LRP1B: variants seen among roughly 807,000 people sequenced by gnomAD.
LRP1B encodes the protein LDL receptor related protein 1B, also known as low-density lipoprotein receptor-related protein 1B.
In LRP1B, 217 loss-of-function variants were observed where a neutral mutation model predicts 556.6. That is an observed-to-expected ratio of 0.39 (90% CI 0.35 to 0.44). The LOEUF is 0.44. Ranked by LOEUF, LRP1B falls within the 20% of genes least tolerant of loss-of-function variation. The pLI is 1.00. For synonymous variants in LRP1B, 2,047 were observed against 1,865.8 expected (o/e 1.10, Z -2.50); for missense variants, 5,053 against 5,620.8 (o/e 0.90, Z 3.23).
chr2:140,799,712 C>T (rs950794930), intron 32 of LRP1B, among the ~76,000 whole-genome samples: 16 of 152,102 alleles, frequency 1.1e-4, no homozygotes, highest in Admixed American at 3.3e-4. Flanking sequence ...AGGACAGATT[C>T]CTAGAAGAAA....
At chr2:140,721,997 C>T (rs1687420464) in intron 35 of LRP1B, among the ~76,000 whole-genome samples, 1 of 152,090 alleles carries the variant, frequency 6.6e-6, no homozygotes, top group African/African-American at 2.4e-5. Flanking sequence ...CTGATAGCAT[C>T]ACACAGACTC....
chr2:141,787,317 G>C (rs978028675), intron 2 of LRP1B, among the ~76,000 whole-genome samples: 2 of 151,744 alleles, frequency 1.3e-5, no homozygotes, highest in East Asian at 1.9e-4. Context: ...ATTCATAGTC[G>C]CACCAAACTG....
chr2:140,575,430 G>A (rs995959871), intron 43 of LRP1B, among the ~76,000 whole-genome samples: 1 of 152,090 alleles, frequency 6.6e-6, no homozygotes, highest in Non-Finnish European at 1.5e-5. Context: ...TCATATCATG[G>A]TGTATTATTA....
intron 6 of LRP1B, among the ~76,000 whole-genome samples, chr2:141,226,048 G>A (rs1489525442): frequency 6.6e-6 from 1 of 151,822 alleles, no homozygotes; most frequent in Non-Finnish European, 1.5e-5. Flanking sequence ...AAGCTATAAA[G>A]TCTGACCCAA....
chr2:140,799,249 C>A (rs1388405141), intron 32 of LRP1B, among the ~76,000 whole-genome samples: 1 of 152,002 alleles, frequency 6.6e-6, no homozygotes, highest in Non-Finnish European at 1.5e-5. Flanking sequence ...GAGATGGGGC[C>A]TTTGGAAGGT....
chr2:141,769,410 GAA>G (rs1035900403), intron 2 of LRP1B, among the ~76,000 whole-genome samples: 1 of 152,114 alleles, frequency 6.6e-6, no homozygotes, highest in Non-Finnish European at 1.5e-5. Context: ...CTCAGAGAAG[GAA>G]AAAAGTCAAC....
intron 1 of LRP1B, among the ~76,000 whole-genome samples, chr2:141,894,061 C>A (rs1350476222): frequency 3.3e-5 from 5 of 151,980 alleles, no homozygotes; most frequent in African/African-American, 1.2e-4. Context: ...GACTTTTATA[C>A]CTTCATGAAA....
rs1385771386 is a variant in LRP1B at position 140,323,897 on chromosome 2, T to C, written c.12510A>G (p.Leu4170=). 3 of 1,430,360 alleles carry C rather than the reference T, an allele frequency of 2.1e-6. No homozygotes were observed. Among genetic ancestry groups the C allele is most frequent in the East Asian group, 2.3e-5 (1 of 43,730 alleles). 88.6% of individuals were successfully genotyped at this position (1,430,360 alleles called of 1,614,324 possible). A position where few individuals can be genotyped will look rare whatever the true frequency, so the allele number is the denominator to read the frequency against. Residue 4170 remains leucine (L), a synonymous_variant, in exon 81 of 91, where the codon CTA becomes CTG. Coordinates refer to ENST00000389484, the MANE Select transcript of LRP1B (RefSeq NM_018557.3). ...TTCATAATATATTATACTTACAATC[T>C]AGTTGTTTATAACGATGAGATATCA... ...GVLISHRYKQ[L]DLPNPCLDLA...
chr2:141,935,230 C>A (rs1700602822), intron 1 of LRP1B, among the ~76,000 whole-genome samples: 1 of 152,084 alleles, frequency 6.6e-6, no homozygotes, highest in Admixed American at 6.6e-5. Context: ...CATCAGCATA[C>A]CCTCACTAAA....
intron 43 of LRP1B, among the ~76,000 whole-genome samples, chr2:140,589,259 C>A (rs959676551): frequency 6.6e-6 from 1 of 151,956 alleles, no homozygotes; most frequent in African/African-American, 2.4e-5. Flanking sequence ...AAACAAACTA[C>A]AAAGTGGGGG....
intron 25 of LRP1B, among the ~76,000 whole-genome samples, chr2:140,882,883 C>T (rs545650758): frequency 6.6e-6 from 1 of 152,144 alleles, no homozygotes; most frequent in South Asian, 2.1e-4. Flanking sequence ...TTGATATTAC[C>T]TAAAGGTACA....
intron 66 of LRP1B, among the ~76,000 whole-genome samples, chr2:140,387,819 T>G (rs369961570): frequency 7.2e-5 from 11 of 152,208 alleles, no homozygotes; most frequent in African/African-American, 2.4e-4. Flanking sequence ...TATGAGGTTT[T>G]GTACTGAACA....
At chr2:141,835,191 T>G (rs1697237061) in intron 1 of LRP1B, among the ~76,000 whole-genome samples, 2 of 152,034 alleles carry the variant, frequency 1.3e-5, no homozygotes, top group African/African-American at 4.8e-5. Flanking sequence ...ACTGAACTTG[T>G]GGGACACAAA....
At chr2:140,287,472 G>T (rs1683193543) in intron 84 of LRP1B, among the ~76,000 whole-genome samples, 1 of 151,778 alleles carries the variant, frequency 6.6e-6, no homozygotes, top group African/African-American at 2.4e-5. Flanking sequence ...CTGCCAATAA[G>T]TTGATTCATT....
chr2:141,070,888 A>G (rs1290855225), intron 7 of LRP1B, among the ~76,000 whole-genome samples: 1 of 152,130 alleles, frequency 6.6e-6, no homozygotes, highest in Non-Finnish European at 1.5e-5. Flanking sequence ...AAAAGAGTCC[A>G]GGACCAGATG....
chr2:141,834,540 T>C (rs1697207455), intron 1 of LRP1B, among the ~76,000 whole-genome samples: 1 of 151,864 alleles, frequency 6.6e-6, no homozygotes, highest in African/African-American at 2.4e-5. Context: ...GTAGGGTAAA[T>C]AAAATTTCAG....
At chr2:141,460,737 A>G (rs1681836139) in intron 3 of LRP1B, among the ~76,000 whole-genome samples, 1 of 152,190 alleles carries the variant, frequency 6.6e-6, no homozygotes, top group Non-Finnish European at 1.5e-5. Context: ...GTGAAAAGTG[A>G]TAAGAATTTG....
chr2:140,636,923 C>T (rs1019844153), intron 41 of LRP1B, among the ~76,000 whole-genome samples: 1 of 152,124 alleles, frequency 6.6e-6, no homozygotes, highest in African/African-American at 2.4e-5. Flanking sequence ...TTGCTGAAGT[C>T]TAAAGCCACC....
intron 7 of LRP1B, among the ~76,000 whole-genome samples, chr2:141,186,078 C>CAAAAAAAAAAAAAAAAA: frequency 1.3e-5 from 1 of 77,608 alleles, no homozygotes; most frequent in Non-Finnish European, 2.3e-5. Context: ...GACTCTGTCT[C>CAAAAAAAAAAAAAAAAA]AAAAAAAAAA....
Sources: gnomAD v4.1 joint callset for allele counts (sites outside exome capture counted in the v4.1 genomes callset) on GRCh38, gnomAD v4.1.1 for gene constraint, MANE v1.5 for transcripts, NCBI Gene and HGNC (gene_info 2026-07-23, HGNC 2026-07-21) for gene names.